The following VPS37C variants were observed in gnomAD, a reference collection of about 807,000 sequenced individuals.
VPS37C encodes the protein vacuolar protein sorting-associated protein 37C.
In VPS37C, 9 loss-of-function variants were observed where a neutral mutation model predicts 16.1. The ratio of observed to expected loss-of-function variants is 0.56; its 90% CI spans 0.34 to 0.97. The LOEUF is 0.97. VPS37C is among the 50% of genes least tolerant of loss of function. The pLI, the probability that VPS37C is intolerant of heterozygous loss-of-function variation, is 0.02. For missense variants in VPS37C, 479 were observed against 472.7 expected, an observed-to-expected ratio of 1.01 and a Z score of -0.12; for synonymous variants, 207 against 206.4, an observed-to-expected ratio of 1.00 and a Z score of -0.02.
intron 3 of VPS37C, among the ~76,000 whole-genome samples, chr11:61,133,646 T>C (rs1417408247): frequency 6.6e-6 from 1 of 152,030 alleles, no homozygotes; most frequent in Non-Finnish European, 1.5e-5. Context: ...CTAACCTGAG[T>C]GTCAAGCTTT....
chr11:61,140,980 G>A (rs1397454709), intron 1 of VPS37C, among the ~76,000 whole-genome samples: 1 of 152,184 alleles, frequency 6.6e-6, no homozygotes, highest in Non-Finnish European at 1.5e-5. Flanking sequence ...GGAGACCAAG[G>A]TAGAAGGCTC....
intron 1 of VPS37C, among the ~76,000 whole-genome samples, chr11:61,151,817 C>A (rs952590183): frequency 6.6e-6 from 1 of 152,176 alleles, no homozygotes; most frequent in Non-Finnish European, 1.5e-5. Context: ...AAAATGACGG[C>A]CAAGAAACAG....
intron 1 of VPS37C, 84 bp from the exon 2 acceptor site, chr11:61,138,919 A>G (rs1861427052): frequency 1.5e-6 from 2 of 1,316,536 alleles, no homozygotes; most frequent in South Asian, 2.4e-5. Flanking sequence ...TTTATCAAAA[A>G]CAAACTGGAG....
chr11:61,159,089 C>T (rs1280455101), intron 1 of VPS37C, among the ~76,000 whole-genome samples: 2 of 152,168 alleles, frequency 1.3e-5, no homozygotes, highest in Non-Finnish European at 2.9e-5. Context: ...CCTGGAAAAC[C>T]CCTACTATTA....
At chr11:61,151,212 A>T (rs912627166) in intron 1 of VPS37C, among the ~76,000 whole-genome samples, 1 of 152,218 alleles carries the variant, frequency 6.6e-6, no homozygotes, top group Non-Finnish European at 1.5e-5. Context: ...ATCAATGGTC[A>T]TCGGTACGGA....
At chr11:61,159,424 G>A (rs191844024) in intron 1 of VPS37C, among the ~76,000 whole-genome samples, 96 of 152,262 alleles carry the variant, frequency 6.3e-4, no homozygotes, top group Non-Finnish European at 1.2e-3. Flanking sequence ...CAGCACCTTT[G>A]GGAAACTAAA....
intron 1 of VPS37C, among the ~76,000 whole-genome samples, chr11:61,140,152 A>C (rs1404929238): frequency 6.6e-6 from 1 of 152,220 alleles, no homozygotes; most frequent in Admixed American, 6.5e-5. Context: ...ACCAGCACTC[A>C]GCTAGGGTGA....
chr11:61,130,781 G>T lies in VPS37C; in HGVS notation c.*1039C>A. ...AAAAATTGCCCCTAATGTAGTGATG[G>T]TGTTTTTTAAAAAGCACCATTTGGG... On this transcript the variant is annotated 3_prime_UTR_variant, in exon 5 of 5. Transcript: ENST00000301765. 1 of 433,040 alleles carries T rather than the reference G, an allele frequency of 2.3e-6. No individual in the cohort carries two copies. The highest frequency in any genetic ancestry group is 1.6e-5 in the South Asian group (1 of 60,818). 26.8% of individuals were successfully genotyped at this position (433,040 alleles called of 1,614,324 possible).
chr11:61,131,585 C>A lies in VPS37C; in HGVS notation c.*235G>T. The A allele has an allele frequency of 2.1e-6, 1 of 481,858 alleles. No individual in the cohort carries two copies. The highest frequency in any genetic ancestry group is 3.3e-6 in the Non-Finnish European group (1 of 304,212). The allele number at this position is 481,858 out of a possible 1,614,324, so 29.8% of individuals were successfully genotyped here. A position where few individuals can be genotyped will look rare whatever the true frequency, so the allele number is the denominator to read the frequency against. The stretch of plus-strand genomic sequence containing the variant: ...CTGGACTCCAGCCTGGCTAGCACCG[C>A]TGCAGCCAGGCACTGAAAGGAGGGG... On this transcript the variant is annotated 3_prime_UTR_variant, in exon 5 of 5. Coordinates refer to ENST00000301765, the MANE Select transcript of VPS37C (RefSeq NM_017966.5).
intron 1 of VPS37C, among the ~76,000 whole-genome samples, chr11:61,149,690 A>C (rs917433973): frequency 1.3e-5 from 2 of 152,202 alleles, no homozygotes; most frequent in Non-Finnish European, 2.9e-5. Context: ...CTCAAACATA[A>C]GCATACATAG....
chr11:61,153,628 A>G (rs910387138), intron 1 of VPS37C, among the ~76,000 whole-genome samples: 1 of 152,232 alleles, frequency 6.6e-6, no homozygotes, highest in African/African-American at 2.4e-5. Context: ...AACACTGGAC[A>G]TCAGACAGCA....
chr11:61,139,752 T>TTG (rs1590787162), intron 1 of VPS37C, among the ~76,000 whole-genome samples: 5 of 151,318 alleles, frequency 3.3e-5, no homozygotes, highest in Middle Eastern at 3.2e-3. Context: ...TTTTTTTTTT[T>TTG]TTTTTTTTTG....
Position 61,132,302 on chromosome 11 carries a change from G to A in VPS37C, c.586C>T (p.Pro196Ser), listed in dbSNP as rs1475160717. 4 of 1,580,788 alleles carry A rather than the reference G, an allele frequency of 2.5e-6. No homozygotes were observed. Among genetic ancestry groups the A allele is most frequent in the Non-Finnish European group, 3.4e-6 (4 of 1,160,670 alleles). ...GGGTAGGGAGGCATGGCTAATGGTG[G>A]CTGCGGCTGCTCTTCAACCACAGGG... Reference protein sequence around the residue: ...TPPVVEEQPQPPLAMPPYPLP... With the variant: ...TPPVVEEQPQSPLAMPPYPLP... The change falls in exon 5 of 5, where the codon CCA (proline) becomes TCA (serine). Residue 196 changes from proline (P) to serine (S), a missense_variant. Physicochemically the swap from Pro to Ser is moderately conservative, Grantham distance 74 (BLOSUM62 -1). Coordinates refer to ENST00000301765, the MANE Select transcript of VPS37C (RefSeq NM_017966.5).
At chr11:61,159,857 A>G (rs1411055784) in intron 1 of VPS37C, among the ~76,000 whole-genome samples, 4 of 137,162 alleles carry the variant, frequency 2.9e-5, no homozygotes, top group African/African-American at 8.3e-5. Context: ...AGCTGAGATC[A>G]CACCACTTCA....
Position 61,134,181 on chromosome 11 carries a change from C to G in VPS37C, c.120G>C (p.Glu40Asp). Reference protein sequence around the residue: ...PEVQDLQLEREMALATNRSLA... With the variant: ...PEVQDLQLERDMALATNRSLA... Reference sequence around the variant, plus strand: ...GGCTCCGGTTGGTGGCCAGTGCCATCTCCCGTTCCAGCTGTAGGTCCTGGA... The same window carrying G: ...GGCTCCGGTTGGTGGCCAGTGCCATGTCCCGTTCCAGCTGTAGGTCCTGGA... Residue 40 changes from glutamate to aspartate, a missense_variant, in exon 3 of 5, where the codon GAG becomes GAC. By Grantham distance (45) the Glu-to-Asp change is conservative. Transcript: ENST00000301765. The G allele has an allele frequency of 6.2e-7, 1 of 1,613,880 alleles. No homozygotes were observed. Among genetic ancestry groups the G allele is most frequent in the South Asian group, 1.1e-5 (1 of 91,076 alleles).
At chr11:61,147,084 C>T (rs1250411450) in intron 1 of VPS37C, among the ~76,000 whole-genome samples, 7 of 152,150 alleles carry the variant, frequency 4.6e-5, no homozygotes, top group Non-Finnish European at 1.5e-5. Flanking sequence ...CTGGGTGGGC[C>T]ATCAAAACCC....
intron 3 of VPS37C, 122 bp downstream of exon 3, chr11:61,133,913 AC>A: frequency 1.7e-6 from 2 of 1,197,142 alleles, no homozygotes; most frequent in South Asian, 3.3e-5. Context: ...TAACAACAGT[AC>A]CCACCCTTCT....
intron 1 of VPS37C, chr11:61,144,419 C>A (rs614872): frequency 0.74 from 112,779 of 151,936 alleles, 43,375 homozygotes; most frequent in East Asian, 1. Context: ...GCAAAGACCC[C>A]AGGGGAGGAA....
intron 1 of VPS37C, among the ~76,000 whole-genome samples, chr11:61,156,311 G>T (rs116215377): frequency 0.038 from 5,844 of 152,242 alleles, 383 homozygotes; most frequent in African/African-American, 0.13. Context: ...CCCCGGCCAG[G>T]TGCAGTTGTT....
Sources: allele counts gnomAD v4.1 joint callset (sites outside exome capture counted in the v4.1 genomes callset), GRCh38; gene constraint gnomAD v4.1.1; transcripts MANE v1.5; gene names NCBI Gene and HGNC (gene_info 2026-07-23, HGNC 2026-07-21).